The following HS1BP3 variants were observed in gnomAD, a reference collection of about 807,000 sequenced individuals.
The protein encoded by HS1BP3 is HCLS1-binding protein 3.
HS1BP3 carries 32 observed loss-of-function variants against 33.5 expected under a neutral mutation model. That is an observed-to-expected ratio of 0.95 (90% CI 0.72 to 1.28). HS1BP3 has a LOEUF of 1.28. HS1BP3 is among the 50% of genes most tolerant of loss of function. HS1BP3 has a pLI of 0.00. For missense variants in HS1BP3, 486 were observed against 502.3 expected (o/e 0.97, Z 0.31); for synonymous variants, 187 against 209.2 (o/e 0.89, Z 0.92).
chr2:20,606,334 A>G, intron 2 of HS1BP3: 1 of 470,094 alleles, frequency 2.1e-6, no homozygotes. Flanking sequence ...TTCTGGTATA[A>G]ATTACTTGAA....
rs1283612970 is a variant in HS1BP3 at position 20,649,817 on chromosome 2, C to T, written c.32+1215G>A. ...ACTCATGTGGCCTTACCACCGCCAG[C>T]GCCCCCACATCTGTTAACAAGCCAC... On this transcript the variant is annotated intron_variant, in intron 1 of 6. Coordinates refer to ENST00000304031, the MANE Select transcript of HS1BP3 (RefSeq NM_022460.4). Among the ~76,000 whole-genome samples, 6 of 152,188 alleles carry T rather than the reference C, an allele frequency of 3.9e-5. No homozygotes were observed. The East Asian group carries it at 5.8e-4, about 15-fold the overall frequency.
chr2:20,598,998 G>A (rs1200798139), intron 2 of HS1BP3, among the ~76,000 whole-genome samples: 1 of 152,224 alleles, frequency 6.6e-6, no homozygotes, highest in Non-Finnish European at 1.5e-5. Context: ...ATGCTAGGGA[G>A]GGCAGTGGGG....
intron 5 of HS1BP3, among the ~76,000 whole-genome samples, chr2:20,565,247 C>T (rs775141807): frequency 6.6e-6 from 1 of 152,204 alleles, no homozygotes; most frequent in Non-Finnish European, 1.5e-5. Flanking sequence ...TGAGGCCATA[C>T]CCAGGGTGCA....
chr2:20,609,082 A>C (rs113551648), intron 2 of HS1BP3, among the ~76,000 whole-genome samples: 1 of 152,216 alleles, frequency 6.6e-6, no homozygotes, highest in African/African-American at 2.4e-5. Context: ...CCCAGAGAGA[A>C]CTGATGCCCA....
downstream of HS1BP3, among the ~76,000 whole-genome samples, chr2:20,617,211 G>A (rs1399362591): frequency 6.6e-6 from 1 of 152,174 alleles, no homozygotes; most frequent in Non-Finnish European, 1.5e-5. Flanking sequence ...CTCGGAGGAA[G>A]ACCTGGCCCC....
At position 20,619,001 on chromosome 2, in the gene HS1BP3, G is replaced by T; in HGVS notation, c.1165C>A (p.Pro389Thr). ...QDHDTPAQAA[P>T]SLF ...GCATGGAAGGGTCAGAAGAGGCTGGGGGCGGCCTGGGCTGGTGTATCGTGG... is the reference window on the plus strand; with the variant it reads ...GCATGGAAGGGTCAGAAGAGGCTGGTGGCGGCCTGGGCTGGTGTATCGTGG... The change falls in exon 7 of 7, where the codon CCC becomes ACC. Residue 389 changes from proline (P) to threonine (T), a missense_variant. Pro to Thr is a conservative substitution (Grantham distance 38). Coordinates refer to ENST00000304031, the MANE Select transcript of HS1BP3 (RefSeq NM_022460.4). 6.2e-7 allele frequency: 1 copy of T among 1,613,846 alleles called. No homozygotes were observed. Among genetic ancestry groups the T allele is most frequent in the Non-Finnish European group, 8.5e-7 (1 of 1,179,872 alleles).
At chr2:20,624,527 G>A (rs1314031602) in intron 5 of HS1BP3, among the ~76,000 whole-genome samples, 2 of 152,126 alleles carry the variant, frequency 1.3e-5, no homozygotes, top group East Asian at 3.9e-4. Flanking sequence ...AGGCCCTATC[G>A]CTTACCACAC....
chr2:20,623,846 G>A, intron 6 of HS1BP3, 50 bp downstream of exon 6: 1 of 1,582,430 alleles, frequency 6.3e-7, no homozygotes, highest in East Asian at 2.3e-5. Flanking sequence ...CCTTGGCTCT[G>A]TCCAGAACAC....
rs578177859 is a variant in HS1BP3 at position 20,603,459 on chromosome 2, T to A, written c.179-5194A>T. Among the ~76,000 whole-genome samples the A allele has an allele frequency of 3.9e-5, 6 of 152,364 alleles. No individual in the cohort carries two copies. In the East Asian group the frequency reaches 5.8e-4, roughly 15 times the overall value. On this transcript the variant is annotated intron_variant, in intron 2 of 3. Coordinates refer to the HS1BP3 transcript ENST00000415264. Reference sequence around the variant, plus strand: ...ACATGGATGACCCTTGAAAGCAGTATGCTAGGCGAAAGAAGTCAGAATTAC... The same window carrying A: ...ACATGGATGACCCTTGAAAGCAGTAAGCTAGGCGAAAGAAGTCAGAATTAC...
chr2:20,570,642 C>T (rs1693244045), intron 5 of HS1BP3, among the ~76,000 whole-genome samples: 1 of 152,182 alleles, frequency 6.6e-6, no homozygotes, highest in Non-Finnish European at 1.5e-5. Flanking sequence ...CTTGGGGCTA[C>T]CCAGGCTGAC....
chr2:20,596,728 T>G (rs1693950748), intron 3 of HS1BP3, among the ~76,000 whole-genome samples: 2 of 152,246 alleles, frequency 1.3e-5, no homozygotes, highest in South Asian at 4.1e-4. Context: ...CCCCTTTCTG[T>G]GCTGTACTCT....
At chr2:20,610,257 C>T (rs1694292212) in intron 2 of HS1BP3, among the ~76,000 whole-genome samples, 1 of 152,158 alleles carries the variant, frequency 6.6e-6, no homozygotes, top group South Asian at 2.1e-4. Flanking sequence ...AGGGTTCACT[C>T]TTGGTGCGGT....
chr2:20,569,015 C>T (rs769330119), intron 5 of HS1BP3, among the ~76,000 whole-genome samples: 10 of 152,154 alleles, frequency 6.6e-5, no homozygotes, highest in Non-Finnish European at 1.0e-4. Flanking sequence ...GAGTACTGGT[C>T]GACTTCGGGC....
intron 3 of HS1BP3, among the ~76,000 whole-genome samples, chr2:20,594,592 TGCA>T (rs1318880197): frequency 6.6e-6 from 1 of 152,216 alleles, no homozygotes; most frequent in African/African-American, 2.4e-5. Flanking sequence ...GCTCAGGATT[TGCA>T]GCAACAAGGC....
At chr2:20,641,944 A>G (rs1695364397) in intron 2 of HS1BP3, among the ~76,000 whole-genome samples, 1 of 152,192 alleles carries the variant, frequency 6.6e-6, no homozygotes, top group African/African-American at 2.4e-5. Context: ...TCAGTCTCAC[A>G]GTGGTTTCAG....
rs77196421 is a variant in HS1BP3 at position 20,570,111 on chromosome 2, G to T, written c.303-9596C>A. 5.0e-3 allele frequency among the ~76,000 whole-genome samples: 755 copies of T among 152,222 alleles called. 1 individual carries two copies. The highest frequency in any genetic ancestry group is 0.016 in the African/African-American group (672 of 41,540). ...AACCCCGGCCACAAGCAATTCCAGG[G>T]CTTTTGACACCCCAGAGACTACTCC... On this transcript the variant is annotated intron_variant, in intron 5 of 5. Transcript: ENST00000446825.
intron 5 of HS1BP3, among the ~76,000 whole-genome samples, chr2:20,566,581 G>A (rs1050809939): frequency 6.6e-6 from 1 of 152,066 alleles, no homozygotes; most frequent in Non-Finnish European, 1.5e-5. Context: ...TGTGAGGCCA[G>A]GGATGGAGTT....
intron 5 of HS1BP3, among the ~76,000 whole-genome samples, chr2:20,583,450 TG>T (rs1426523735): frequency 6.6e-6 from 1 of 152,052 alleles, no homozygotes; most frequent in Non-Finnish European, 1.5e-5. Flanking sequence ...GTTCTCACTA[TG>T]GGGGCAGCAC....
At position 20,638,522 on chromosome 2, in the gene HS1BP3, C is replaced by T. The variant is rs1297848227; in HGVS notation, c.537G>A (p.Glu179=). The part of the protein sequence containing the change: ...FFEEQDQVAE[E]GPPVQSLKGE... ...CCTTCAGGCTCTGGACGGGCGGACCCTCTTCTGCCACTTGGTCTTGCTCCT... is the reference window on the plus strand; with the variant it reads ...CCTTCAGGCTCTGGACGGGCGGACCTTCTTCTGCCACTTGGTCTTGCTCCT... Residue 179 remains glutamate, a synonymous_variant, in exon 4 of 7, where the codon GAG becomes GAA. Transcript: ENST00000304031. 2.5e-6 allele frequency: 4 copies of T among 1,614,128 alleles called. No individual in the cohort carries two copies. The African/African-American group carries it at 5.3e-5, about 22-fold the overall frequency.
Sources: gnomAD v4.1 joint callset for allele counts (sites outside exome capture counted in the v4.1 genomes callset) on GRCh38, gnomAD v4.1.1 for gene constraint, MANE v1.5 for transcripts, NCBI Gene and HGNC (gene_info 2026-07-23, HGNC 2026-07-21) for gene names.